Variants in ZFAND6 observed in about 807,000 individuals in gnomAD.
ZFAND6 encodes AN1-type zinc finger protein 6.
Under a neutral mutation model 24.5 loss-of-function variants are expected in ZFAND6, and 12 were observed. The ratio of observed to expected loss-of-function variants is 0.49; its 90% CI spans 0.31 to 0.79. The LOEUF (loss-of-function observed/expected upper bound fraction) is 0.79. Among genes scored for constraint, ZFAND6 ranks in the 30% least tolerant of loss-of-function variants. The probability of loss-of-function intolerance (pLI) is 0.04; values close to 1 mark genes in which losing one functional copy is unlikely to be tolerated. For missense variants in ZFAND6, 207 were observed against 245.9 expected, an observed-to-expected ratio of 0.84 and a Z score of 1.06; for synonymous variants, 92 against 81.5, an observed-to-expected ratio of 1.13 and a Z score of -0.69.
chr15:80,093,197 CCT>C, intron 1 of ZFAND6, among the ~76,000 whole-genome samples: 1 of 151,716 alleles, frequency 6.6e-6, no homozygotes, highest in East Asian at 2.0e-4. Context: ...GAACTCCTGA[CCT>C]CGTGATCCGC....
chr15:80,130,383 G>C (rs1395014237), intron 5 of ZFAND6: 1 of 151,358 alleles, frequency 6.6e-6, no homozygotes, highest in African/African-American at 2.4e-5. Context: ...TGGATCCCTG[G>C]GGAAAGTCTA....
chr15:80,103,069 TGGAG>T (rs1229718980), intron 2 of ZFAND6, among the ~76,000 whole-genome samples: 1 of 152,348 alleles, frequency 6.6e-6, no homozygotes, highest in African/African-American at 2.4e-5. Context: ...TCACCTTGTC[TGGAG>T]GGTTTATCCC....
At chr15:80,064,546 G>A (rs2036506811) in intron 1 of ZFAND6, among the ~76,000 whole-genome samples, 1 of 151,866 alleles carries the variant, frequency 6.6e-6, no homozygotes. Context: ...ATTTAGGATA[G>A]CAACTCTGCT....
At chr15:80,118,700 T>G (rs938183258) in intron 2 of ZFAND6, among the ~76,000 whole-genome samples, 1 of 152,086 alleles carries the variant, frequency 6.6e-6, no homozygotes, top group African/African-American at 2.4e-5. Flanking sequence ...GAAAGATGCT[T>G]GCCAAAATCC....
chr15:80,094,580 C>G (rs967671426), intron 1 of ZFAND6, among the ~76,000 whole-genome samples: 2 of 150,640 alleles, frequency 1.3e-5, no homozygotes, highest in African/African-American at 4.9e-5. Flanking sequence ...TTTACTTATT[C>G]ATTCTCTGTC....
In ZFAND6 at chr15:80,134,956, A is replaced by G. The variant is rs147195023; in HGVS notation, c.479-2524A>G. ...ATGGTGGAAGAAGGATTGGTACCAT[A>G]TGGAAACAATTTAGAGAACAAAAAA... On this transcript the variant is annotated intron_variant, in intron 6 of 6. Coordinates refer to ENST00000261749, the MANE Select transcript of ZFAND6 (RefSeq NM_019006.4). 8.5e-5 allele frequency among the ~76,000 whole-genome samples: 13 copies of G among 152,334 alleles called. No individual in the cohort carries two copies. In the East Asian group the frequency reaches 2.5e-3, roughly 29 times the overall value.
intron 1 of ZFAND6, among the ~76,000 whole-genome samples, chr15:80,075,890 C>G (rs2037246552): frequency 6.6e-6 from 1 of 152,012 alleles, no homozygotes; most frequent in South Asian, 2.1e-4. Flanking sequence ...CTTTTTTCCC[C>G]TTCGCAATAT....
chr15:80,067,967 A>AT (rs1156851691), intron 1 of ZFAND6, among the ~76,000 whole-genome samples: 1 of 151,526 alleles, frequency 6.6e-6, no homozygotes. Flanking sequence ...AATTAAAAAA[A>AT]TTTTTTTTTC....
intron 1 of ZFAND6, among the ~76,000 whole-genome samples, chr15:80,086,578 GAAT>G (rs1013554451): frequency 7.2e-5 from 11 of 152,116 alleles, no homozygotes; most frequent in African/African-American, 2.2e-4. Context: ...CATATAAATG[GAAT>G]AATAACAAAA....
chr15:80,131,230 C>T lies in ZFAND6; in HGVS notation c.415C>T (p.Leu139Phe), dbSNP rs1411166954. 1 of 1,612,714 alleles carries T rather than the reference C, an allele frequency of 6.2e-7. No homozygotes were observed. The highest frequency in any genetic ancestry group is 2.2e-5 in the East Asian group (1 of 44,864). ...GCCATCTGAAGAGCAAAGCAAGTCT[C>T]TTGAAAAACCGAAACAAAAAAAGAA... Reference protein sequence around the residue: ...QQPSEEQSKSLEKPKQKKNRC... With the variant: ...QQPSEEQSKSFEKPKQKKNRC... Residue 139 changes from leucine to phenylalanine, a missense_variant, in exon 6 of 7, where the codon CTT (leucine) becomes TTT (phenylalanine). Around this residue, in one of 3 missense-constraint regions of ZFAND6, gnomAD observed 133 missense variants for 122.8 expected, o/e 1.08. Transcript: ENST00000261749.
intron 1 of ZFAND6, among the ~76,000 whole-genome samples, chr15:80,089,650 T>C (rs28413032): frequency 6.6e-6 from 1 of 152,160 alleles, no homozygotes; most frequent in Non-Finnish European, 1.5e-5. Flanking sequence ...ATAGGCTGAT[T>C]GATGATCACT....
At chr15:80,105,721 T>C (rs2039287730) in intron 2 of ZFAND6, among the ~76,000 whole-genome samples, 1 of 152,228 alleles carries the variant, frequency 6.6e-6, no homozygotes, top group African/African-American at 2.4e-5. Context: ...TTCTTTTTAC[T>C]ACATATCAAG....
chr15:80,113,634 C>T (rs914909432), intron 2 of ZFAND6, among the ~76,000 whole-genome samples: 1 of 152,054 alleles, frequency 6.6e-6, no homozygotes, highest in Admixed American at 6.6e-5. Context: ...AGTTTTCTCC[C>T]CTTTTCAACA....
chr15:80,067,034 A>G (rs1027058964), intron 1 of ZFAND6, among the ~76,000 whole-genome samples: 2 of 152,212 alleles, frequency 1.3e-5, no homozygotes, highest in African/African-American at 2.4e-5. Context: ...AGTTGAAGGT[A>G]GTTTCCCATG....
In ZFAND6 at chr15:80,121,778, C is replaced by T; in HGVS notation, c.221C>T (p.Ala74Val). The T allele has an allele frequency of 6.2e-7, 1 of 1,613,754 alleles. No individual in the cohort carries two copies. Among genetic ancestry groups the T allele is most frequent in the African/African-American group, 1.3e-5 (1 of 74,994 alleles). Residue 74 changes from alanine (A) to valine (V), a missense_variant, in exon 4 of 7, where the codon GCC becomes GTC. Coordinates refer to ENST00000261749, the MANE Select transcript of ZFAND6 (RefSeq NM_019006.4). ...TGCACAGATGGCAGTGTGCCAGAAG[C>T]CCAGTCAGCATTAGACTCTACATCT... is the stretch of plus-strand genomic sequence containing the variant. ...VQCTDGSVPE[A>V]QSALDSTSSS...
intron 2 of ZFAND6, among the ~76,000 whole-genome samples, chr15:80,117,480 C>T (rs1700904968): frequency 6.6e-6 from 1 of 152,154 alleles, no homozygotes; most frequent in Admixed American, 6.5e-5. Flanking sequence ...ACTTGGCCTC[C>T]CAAAGTGCTG....
chr15:80,065,196 G>C (rs1306992560), intron 1 of ZFAND6, among the ~76,000 whole-genome samples: 1 of 149,790 alleles, frequency 6.7e-6, no homozygotes, highest in African/African-American at 2.5e-5. Flanking sequence ...GTTCATCTGG[G>C]ATTTATTTTG....
intron 1 of ZFAND6, among the ~76,000 whole-genome samples, chr15:80,092,725 C>G (rs1053831011): frequency 6.6e-6 from 1 of 152,076 alleles, no homozygotes; most frequent in Non-Finnish European, 1.5e-5. Context: ...GCAACATTGA[C>G]ACACTATAAT....
chr15:80,126,795 C>T (rs781466687), intron 5 of ZFAND6, among the ~76,000 whole-genome samples: 9 of 152,148 alleles, frequency 5.9e-5, no homozygotes, highest in Non-Finnish European at 1.0e-4. Flanking sequence ...TGAGCTACAT[C>T]AAAATAAAGA....
Sources: gnomAD v4.1 joint callset for allele counts (sites outside exome capture counted in the v4.1 genomes callset) on GRCh38, gnomAD v4.1.1 for gene constraint, gnomAD v4.1.1 regional missense constraint, MANE v1.5 for transcripts, NCBI Gene and HGNC (gene_info 2026-07-23, HGNC 2026-07-21) for gene names.